Variants in PCDHA7 observed in about 807,000 individuals in gnomAD.
PCDHA7 encodes protocadherin alpha-7.
PCDHA7 carries 37 observed loss-of-function variants against 57.2 expected under a neutral mutation model. The ratio of observed to expected loss-of-function variants is 0.65; its 90% CI spans 0.50 to 0.85. PCDHA7 has a LOEUF of 0.85. Ranked by LOEUF, PCDHA7 falls within the 40% of genes least tolerant of loss-of-function variation. The pLI is 0.00. For missense variants in PCDHA7, 1,188 were observed against 1,241.8 expected (o/e 0.96, Z 0.65); for synonymous variants, 553 against 558.8 (o/e 0.99, Z 0.15).
At chr5:140,852,242 C>T (rs1581273178) in intron 1 of PCDHA7, 1 of 575,754 alleles carries the variant, frequency 1.7e-6, no homozygotes, top group East Asian at 1.4e-4. Context: ...TCCCTTAAAA[C>T]ACACTTTTGG....
chr5:140,921,131 C>A (rs532456439), intron 1 of PCDHA7, among the ~76,000 whole-genome samples: 1 of 133,054 alleles, frequency 7.5e-6, no homozygotes, highest in East Asian at 2.3e-4. Flanking sequence ...CAGGTGCACA[C>A]CACTACACCC....
At chr5:140,895,691 T>C (rs571770501) in intron 1 of PCDHA7, among the ~76,000 whole-genome samples, 3 of 152,322 alleles carry the variant, frequency 2.0e-5, no homozygotes, top group South Asian at 4.1e-4. Flanking sequence ...TCTGTTTCTA[T>C]ATTAATTCAC....
In PCDHA7 at chr5:140,836,677, C is replaced by T; in HGVS notation, c.2294C>T (p.Pro765Leu). ...RQRVCSGEGP[P>L]KTDLMAFSPS... ...AGGGTGTGCTCTGGGGAGGGCCCAC[C>T]CAAGACAGACCTCATGGCCTTCAGT... Residue 765 changes from proline (P) to leucine (L), a missense_variant, in exon 1 of 4, where the codon CCC becomes CTC. Pro to Leu is a moderately conservative substitution (Grantham distance 98). Around this residue, in one of 3 missense-constraint regions of PCDHA7, gnomAD observed 892 missense variants for 788.5 expected, o/e 1.13. Transcript: ENST00000525929. The T allele has an allele frequency of 6.2e-7, 1 of 1,613,398 alleles. No homozygotes were observed. The highest frequency in any genetic ancestry group is 2.2e-5 in the East Asian group (1 of 44,856).
intron 1 of PCDHA7, among the ~76,000 whole-genome samples, chr5:140,887,536 C>G (rs2153420652): frequency 6.6e-6 from 1 of 152,238 alleles, no homozygotes; most frequent in African/African-American, 2.4e-5. Context: ...CTTCCTCTCC[C>G]CACCCCTCAT....
chr5:140,898,153 G>C (rs1379342887), intron 1 of PCDHA7, among the ~76,000 whole-genome samples: 3 of 152,182 alleles, frequency 2.0e-5, no homozygotes, highest in South Asian at 2.1e-4. Context: ...TGTTCACGCT[G>C]ATGGTGGTTT....
chr5:141,001,017 A>G (rs1414857051), intron 3 of PCDHA7, among the ~76,000 whole-genome samples: 2 of 152,240 alleles, frequency 1.3e-5, no homozygotes, highest in Admixed American at 1.3e-4. Flanking sequence ...TTAGATATAC[A>G]CTTATAATAA....
intron 1 of PCDHA7, among the ~76,000 whole-genome samples, chr5:140,907,616 G>A (rs2073492016): frequency 6.6e-6 from 1 of 152,216 alleles, no homozygotes; most frequent in Non-Finnish European, 1.5e-5. Flanking sequence ...CATATCAAGG[G>A]CTCAGTGTTG....
At chr5:141,005,095 A>T (rs1554259887) in intron 3 of PCDHA7, among the ~76,000 whole-genome samples, 1 of 152,192 alleles carries the variant, frequency 6.6e-6, no homozygotes, top group South Asian at 2.1e-4. Flanking sequence ...CTTTACATGC[A>T]TTACATCATT....
intron 1 of PCDHA7, among the ~76,000 whole-genome samples, chr5:140,954,414 G>A (rs1322356989): frequency 1.3e-5 from 2 of 152,010 alleles, no homozygotes; most frequent in Non-Finnish European, 2.9e-5. Flanking sequence ...GGGTAAAGGT[G>A]TTCCTTTTTC....
At chr5:140,851,008 T>C in intron 1 of PCDHA7, 2 of 1,437,046 alleles carry the variant, frequency 1.4e-6, no homozygotes, top group East Asian at 4.8e-5. Flanking sequence ...CAGCAGATTT[T>C]TTTTCTGATA....
At chr5:140,996,087 G>C (rs1178912945) in intron 3 of PCDHA7, among the ~76,000 whole-genome samples, 3 of 152,200 alleles carry the variant, frequency 2.0e-5, no homozygotes, top group Non-Finnish European at 4.4e-5. Flanking sequence ...GTTTTTGCTA[G>C]ATTACATGGA....
intron 1 of PCDHA7, among the ~76,000 whole-genome samples, chr5:140,951,536 C>T (rs1260106126): frequency 2.0e-5 from 3 of 151,914 alleles, no homozygotes; most frequent in Admixed American, 6.6e-5. Flanking sequence ...GGTGCAGGAG[C>T]AAGGGACGGG....
intron 3 of PCDHA7, among the ~76,000 whole-genome samples, chr5:140,986,402 A>G (rs782590214): frequency 6.6e-6 from 1 of 152,192 alleles, no homozygotes; most frequent in Non-Finnish European, 1.5e-5. Context: ...CCAGTCGCTC[A>G]TGTTACAGCT....
chr5:140,928,659 C>T (rs782522131), intron 1 of PCDHA7: 2 of 1,614,080 alleles, frequency 1.2e-6, no homozygotes, highest in African/African-American at 2.7e-5. Context: ...AGGATGCTGA[C>T]AGTGGTTCTA....
chr5:140,975,127 T>C (rs1331047394), intron 1 of PCDHA7, among the ~76,000 whole-genome samples: 2 of 152,288 alleles, frequency 1.3e-5, no homozygotes, highest in East Asian at 1.9e-4. Flanking sequence ...CTACTTACTA[T>C]TGGCCTGGGG....
intron 1 of PCDHA7, among the ~76,000 whole-genome samples, chr5:140,944,182 G>T (rs542395513): frequency 1.3e-5 from 2 of 152,052 alleles, no homozygotes; most frequent in South Asian, 2.1e-4. Flanking sequence ...TTTTTTGTTG[G>T]TTTGTTTTGT....
chr5:140,982,506 C>G lies in PCDHA7; in HGVS notation c.2446C>G (p.Arg816Gly). The change falls in exon 3 of 4, where the codon CGG (arginine) becomes GGG (glycine). Residue 816 changes from arginine to glycine, a missense_variant. This residue lies in a region of PCDHA7 where 892 missense variants were observed against 788.5 expected (regional missense o/e 1.13). Transcript: ENST00000525929. ...SVHLEEAGIL[R>G]AGPGGPDQQW... Reference sequence around the variant, plus strand: ...GCACCTAGAGGAGGCTGGCATTCTACGGGCTGGTCCAGGAGGGCCTGATCA... The same window carrying G: ...GCACCTAGAGGAGGCTGGCATTCTAGGGGCTGGTCCAGGAGGGCCTGATCA... 6.2e-7 allele frequency: 1 copy of G among 1,614,162 alleles called. No homozygotes were observed. Among genetic ancestry groups the G allele is most frequent in the Non-Finnish European group, 8.5e-7 (1 of 1,180,032 alleles).
intron 1 of PCDHA7, among the ~76,000 whole-genome samples, chr5:140,943,086 G>A (rs1384084328): frequency 6.6e-6 from 1 of 151,632 alleles, no homozygotes; most frequent in African/African-American, 2.4e-5. Flanking sequence ...GTGAAATCCT[G>A]CCTCTACTAA....
chr5:140,928,354 A>C (rs374655565), intron 1 of PCDHA7: 10 of 1,614,032 alleles, frequency 6.2e-6, no homozygotes, highest in African/African-American at 1.3e-5. Flanking sequence ...GTTGGATGTT[A>C]TCTCTGAAGG....
Sources: allele counts gnomAD v4.1 joint callset (sites outside exome capture counted in the v4.1 genomes callset), GRCh38; gene constraint gnomAD v4.1.1; regional missense constraint gnomAD v4.1.1; transcripts MANE v1.5; gene names NCBI Gene and HGNC (gene_info 2026-07-23, HGNC 2026-07-21).